DLGAP4: variants seen among roughly 807,000 people sequenced by gnomAD.
DLGAP4 encodes the protein disks large-associated protein 4.
In DLGAP4, 18 loss-of-function variants were observed where a neutral mutation model predicts 86.9. That is an observed-to-expected ratio of 0.21 (90% CI 0.14 to 0.31). The LOEUF is 0.31. DLGAP4 is among the 10% of genes least tolerant of loss of function. The pLI is 1.00. For synonymous variants in DLGAP4, 548 were observed against 574.3 expected (o/e 0.95, Z 0.65); for missense variants, 1,085 against 1,362.6 (o/e 0.80, Z 3.21).
chr20:36,464,533 G>C (rs914321988), intron 7 of DLGAP4, among the ~76,000 whole-genome samples: 1 of 152,038 alleles, frequency 6.6e-6, no homozygotes, highest in Admixed American at 6.6e-5. Flanking sequence ...TCATGCCACT[G>C]CACTCCAGCC....
intron 2 of DLGAP4, among the ~76,000 whole-genome samples, chr20:36,368,842 T>G (rs1432547936): frequency 6.6e-6 from 1 of 152,222 alleles, no homozygotes; most frequent in African/African-American, 2.4e-5. Context: ...TTCAATTAAA[T>G]TCCCCCATAA....
intron 7 of DLGAP4, chr20:36,492,816 G>A (rs1372714256): frequency 4.6e-5 from 7 of 152,090 alleles, no homozygotes; most frequent in African/African-American, 9.7e-5. Flanking sequence ...TTCTGATCTA[G>A]GGCAAAAAAC....
At chr20:36,339,389 G>GT (rs149107656) in intron 1 of DLGAP4, among the ~76,000 whole-genome samples, 5,345 of 150,904 alleles carry the variant, frequency 0.035, 329 homozygotes, top group African/African-American at 0.12. Context: ...CACCTGGCCT[G>GT]TTTTTTTTGT....
At chr20:36,311,384 G>A (rs1050475233) in intron 1 of DLGAP4, among the ~76,000 whole-genome samples, 1 of 152,126 alleles carries the variant, frequency 6.6e-6, no homozygotes, top group Non-Finnish European at 1.5e-5. Flanking sequence ...TCGCAACGCC[G>A]CCTCCTCCCT....
At chr20:36,413,071 CT>C (rs1324162640) in intron 2 of DLGAP4, among the ~76,000 whole-genome samples, 1 of 150,696 alleles carries the variant, frequency 6.6e-6, no homozygotes, top group African/African-American at 2.4e-5. Context: ...CCTCCGCCTC[CT>C]GGGTTTAAGC....
In DLGAP4 at chr20:36,453,969, G is replaced by GAAAT. The variant is rs1451512111; in HGVS notation, c.1648+7035_1648+7036insTAAA. Among the ~76,000 whole-genome samples the GAAAT allele has an allele frequency of 2.3e-5, 3 of 132,922 alleles. No homozygotes were observed. The East Asian group carries it at 7.0e-4, about 31-fold the overall frequency. 87.2% of individuals were successfully genotyped at this position (132,922 alleles called of 152,430 possible). ...AAAAAAAAAAAAAGAAAGAAAGAAAGAAAAGAAAAAGAAAAAAGAGTCCGG... is the reference window on the plus strand; with the variant it reads ...AAAAAAAAAAAAAGAAAGAAAGAAAGAAATAAAAGAAAAAGAAAAAAGAGTCCGG... On this transcript the variant is annotated intron_variant, in intron 7 of 12. Coordinates refer to ENST00000339266, the MANE Select transcript of DLGAP4 (RefSeq NM_001365621.2).
At chr20:36,370,559 C>G (rs1413969134) in intron 2 of DLGAP4, among the ~76,000 whole-genome samples, 1 of 151,924 alleles carries the variant, frequency 6.6e-6, no homozygotes, top group Non-Finnish European at 1.5e-5. Flanking sequence ...AAGGCATACT[C>G]AGGTCTCATT....
intron 2 of DLGAP4, among the ~76,000 whole-genome samples, chr20:36,430,234 C>G (rs917849525): frequency 1.3e-5 from 2 of 152,212 alleles, no homozygotes; most frequent in African/African-American, 4.8e-5. Context: ...GAGCCCTTGC[C>G]TTGCTTGTCC....
chr20:36,430,873 T>C (rs1600519157), intron 2 of DLGAP4, among the ~76,000 whole-genome samples: 1 of 151,230 alleles, frequency 6.6e-6, no homozygotes, highest in East Asian at 1.9e-4. Context: ...GAGAATCACT[T>C]GAACCCGGGA....
At chr20:36,461,373 C>A in intron 7 of DLGAP4, 1 of 850,472 alleles carries the variant, frequency 1.2e-6, no homozygotes, top group Non-Finnish European at 1.4e-6. Context: ...CCTGCCCGGC[C>A]CGGGAGTCCC....
intron 7 of DLGAP4, among the ~76,000 whole-genome samples, chr20:36,458,540 C>T (rs2033941891): frequency 6.6e-6 from 1 of 150,858 alleles, no homozygotes; most frequent in South Asian, 2.1e-4. Context: ...CCCCTCTCTA[C>T]TAAAAATACA....
intron 1 of DLGAP4, among the ~76,000 whole-genome samples, chr20:36,347,136 C>G (rs1354005480): frequency 6.6e-6 from 1 of 152,066 alleles, no homozygotes; most frequent in Non-Finnish European, 1.5e-5. Context: ...GTGCAGGGCT[C>G]CCAGATCTCC....
chr20:36,346,127 T>C (rs2029928976), intron 1 of DLGAP4, among the ~76,000 whole-genome samples: 1 of 152,110 alleles, frequency 6.6e-6, no homozygotes, highest in Admixed American at 6.5e-5. Flanking sequence ...AAATTTAGCA[T>C]AAATTGTAAT....
At chr20:36,307,970 C>CA (rs1232054637) in intron 1 of DLGAP4, among the ~76,000 whole-genome samples, 1 of 152,242 alleles carries the variant, frequency 6.6e-6, no homozygotes, top group Non-Finnish European at 1.5e-5. Flanking sequence ...TGCCTGGTCC[C>CA]AGGGTGGGGC....
At chr20:36,335,393 G>T (rs1463891764) in intron 1 of DLGAP4, among the ~76,000 whole-genome samples, 1 of 152,144 alleles carries the variant, frequency 6.6e-6, no homozygotes, top group African/African-American at 2.4e-5. Flanking sequence ...TTAAATGGCC[G>T]CAGCCTCTGT....
intron 7 of DLGAP4, among the ~76,000 whole-genome samples, chr20:36,489,331 T>C (rs893659432): frequency 6.6e-6 from 1 of 152,180 alleles, no homozygotes; most frequent in South Asian, 2.1e-4. Flanking sequence ...TGGTTAGCAC[T>C]CAGTAAGGTC....
chr20:36,468,625 C>A (rs1433777158), intron 7 of DLGAP4, among the ~76,000 whole-genome samples: 1 of 152,262 alleles, frequency 6.6e-6, no homozygotes, highest in Non-Finnish European at 1.5e-5. Context: ...GTGCCCCTCA[C>A]CCTGCTGGTC....
chr20:36,506,198 C>T (rs2036360814), intron 10 of DLGAP4, among the ~76,000 whole-genome samples: 1 of 152,112 alleles, frequency 6.6e-6, no homozygotes, highest in Admixed American at 6.5e-5. Context: ...AAGCCTGGGG[C>T]AGGGTGCACA....
intron 1 of DLGAP4, among the ~76,000 whole-genome samples, chr20:36,323,138 A>G (rs2065185158): frequency 7.1e-6 from 1 of 141,832 alleles, no homozygotes; most frequent in African/African-American, 2.7e-5. Context: ...TGTTCTCACC[A>G]CTGCACTCAG....
Sources: allele counts gnomAD v4.1 joint callset (sites outside exome capture counted in the v4.1 genomes callset), GRCh38; gene constraint gnomAD v4.1.1; transcripts MANE v1.5; gene names NCBI Gene and HGNC (gene_info 2026-07-23, HGNC 2026-07-21).